Variants in APP observed in about 807,000 individuals in gnomAD.
The protein encoded by APP is amyloid beta precursor protein.
In APP, 31 loss-of-function variants were observed where a neutral mutation model predicts 101.4. The observed-to-expected ratio is 0.31, with a 90% confidence interval of 0.23 to 0.41. The LOEUF is 0.41. Ranked by LOEUF, APP falls within the 10% of genes least tolerant of loss-of-function variation. The pLI, the probability that APP is intolerant of heterozygous loss-of-function variation, is 1.00. For synonymous variants in APP, 366 were observed against 364.4 expected (o/e 1.00, Z -0.05); for missense variants, 839 against 1,003.7 (o/e 0.84, Z 2.22).
intron 13 of APP, among the ~76,000 whole-genome samples, chr21:25,924,473 T>TC (rs2039795184): frequency 8.6e-6 from 1 of 115,734 alleles, no homozygotes; most frequent in African/African-American, 3.2e-5. Flanking sequence ...GGGCCATGGA[T>TC]GAAGCTGGAG....
rs63750868 is a variant in APP at position 25,891,789 on chromosome 21, A to C, written c.2144T>G (p.Val715Gly). The stretch of plus-strand genomic sequence containing the variant: ...CAGCATCACCAAGGTGATGACGATC[A>C]CTGTCGCTATGACAACACCGCCCAC... ...LMVGGVVIAT[V>G]IVITLVMLKK... Residue 715 changes from valine to glycine, a missense_variant, in exon 17 of 18, where the codon GTG (valine) becomes GGG (glycine). By Grantham distance (109) the Val-to-Gly change is moderately radical. Transcript: ENST00000346798. 1 of 1,614,146 alleles carries C rather than the reference A, an allele frequency of 6.2e-7. No individual in the cohort carries two copies. Among genetic ancestry groups the C allele is most frequent in the Non-Finnish European group, 8.5e-7 (1 of 1,179,972 alleles).
intron 15 of APP, among the ~76,000 whole-genome samples, chr21:25,901,510 G>A (rs956940117): frequency 6.6e-6 from 1 of 152,094 alleles, no homozygotes; most frequent in Non-Finnish European, 1.5e-5. Context: ...GTTCATGTTT[G>A]TTTAGCATGA....
At chr21:26,099,661 A>G (rs1166464592) in intron 2 of APP, among the ~76,000 whole-genome samples, 1 of 152,232 alleles carries the variant, frequency 6.6e-6, no homozygotes, top group Non-Finnish European at 1.5e-5. Flanking sequence ...CACATCTTAA[A>G]CTATTCTCAA....
At chr21:26,011,950 G>A (rs184101011) in intron 6 of APP, among the ~76,000 whole-genome samples, 1 of 151,894 alleles carries the variant, frequency 6.6e-6, no homozygotes, top group African/African-American at 2.4e-5. Flanking sequence ...TAAAACACCT[G>A]AACAGTCTTA....
intron 14 of APP, among the ~76,000 whole-genome samples, chr21:25,907,137 C>CTCTTCT (rs144592208): frequency 6.6e-6 from 1 of 152,034 alleles, no homozygotes; most frequent in African/African-American, 2.4e-5. Flanking sequence ...CCTCTCCCCG[C>CTCTTCT]TCTTCTTCTT....
intron 8 of APP, among the ~76,000 whole-genome samples, chr21:25,996,303 G>C (rs994335340): frequency 1.3e-5 from 2 of 152,196 alleles, no homozygotes; most frequent in Admixed American, 6.5e-5. Flanking sequence ...AGGAGAAAGA[G>C]GGGTTCCTAA....
chr21:26,061,432 T>C (rs2046260699), intron 3 of APP, among the ~76,000 whole-genome samples: 1 of 152,248 alleles, frequency 6.6e-6, no homozygotes, highest in African/African-American at 2.4e-5. Context: ...CAAATTTTTT[T>C]GTCTTGAATG....
At position 26,053,360 on chromosome 21, in the gene APP, G is replaced by A. The variant is rs767846386; in HGVS notation, c.356-12C>T. 17 of 1,541,530 alleles carry A rather than the reference G, an allele frequency of 1.1e-5. No individual in the cohort carries two copies. Among genetic ancestry groups the A allele is most frequent in the Non-Finnish European group, 1.4e-5 (16 of 1,114,070 alleles). On this transcript the variant is annotated splice_polypyrimidine_tract_variant and intron_variant, in intron 3 of 17. Coordinates refer to ENST00000346798, the MANE Select transcript of APP (RefSeq NM_000484.4). Reference sequence around the variant, plus strand: ...TACAAACTCACCAACTGAAAGAAAGGAAAACCACTTCCCGTCATTCCATCT... The same window carrying A: ...TACAAACTCACCAACTGAAAGAAAGAAAAACCACTTCCCGTCATTCCATCT...
intron 1 of APP, among the ~76,000 whole-genome samples, chr21:26,132,864 A>G (rs2062823346): frequency 1.3e-5 from 2 of 152,206 alleles, no homozygotes; most frequent in African/African-American, 2.4e-5. Flanking sequence ...CGGGTAAGTG[A>G]TCTTCCTAGT....
intron 6 of APP, among the ~76,000 whole-genome samples, chr21:26,012,669 T>C (rs1270466991): frequency 2.0e-5 from 3 of 151,970 alleles, no homozygotes; most frequent in Non-Finnish European, 4.4e-5. Context: ...ATCAGACCTA[T>C]GGCTTGGCTA....
At chr21:25,950,806 C>A (rs141794827) in intron 13 of APP, among the ~76,000 whole-genome samples, 1 of 152,078 alleles carries the variant, frequency 6.6e-6, no homozygotes, top group African/African-American at 2.4e-5. Context: ...AGGGGATGTG[C>A]AGAGATTTCA....
rs567551375 is a variant in APP at position 26,170,755 on chromosome 21, T to G, written c.-135A>C. Reference sequence around the variant, plus strand: ...TCCTCCGCGTGCTCTCGCCTACCGCTGCCGAGGAAACTGACGGAGCCCGAG... The same window carrying G: ...TCCTCCGCGTGCTCTCGCCTACCGCGGCCGAGGAAACTGACGGAGCCCGAG... On this transcript the variant is annotated 5_prime_UTR_variant, in exon 1 of 18. Coordinates refer to ENST00000346798, the MANE Select transcript of APP (RefSeq NM_000484.4). 9.3e-6 allele frequency: 9 copies of G among 968,066 alleles called. No individual in the cohort carries two copies. In the Admixed American group the frequency reaches 2.8e-4, roughly 30 times the overall value. 60.0% of individuals were successfully genotyped at this position (968,066 alleles called of 1,614,324 possible). A position where few individuals can be genotyped will look rare whatever the true frequency, so the allele number is the denominator to read the frequency against.
intron 1 of APP, among the ~76,000 whole-genome samples, chr21:26,132,208 G>A (rs1366335871): frequency 1.3e-5 from 2 of 152,104 alleles, no homozygotes; most frequent in Non-Finnish European, 2.9e-5. Context: ...GCCTCACATA[G>A]GGAGACCCTA....
At chr21:26,110,656 A>T (rs115543846) in intron 2 of APP, among the ~76,000 whole-genome samples, 1,692 of 152,186 alleles carry the variant, frequency 0.011, 30 homozygotes, top group African/African-American at 0.038. Context: ...CGCTATCAAA[A>T]CAAATTAAAC....
chr21:26,048,469 T>C (rs1252867973), intron 5 of APP, among the ~76,000 whole-genome samples: 1 of 152,218 alleles, frequency 6.6e-6, no homozygotes, highest in Admixed American at 6.5e-5. Context: ...TATGAATTTG[T>C]GTTGGTCCGC....
chr21:26,031,693 C>G (rs1336980902), intron 5 of APP, among the ~76,000 whole-genome samples: 2 of 42,186 alleles, frequency 4.7e-5, no homozygotes, highest in Non-Finnish European at 8.6e-5. Flanking sequence ...CCCCATGAAT[C>G]AATTACCTCC....
At chr21:25,958,874 A>G (rs2041450656) in intron 11 of APP, among the ~76,000 whole-genome samples, 1 of 152,158 alleles carries the variant, frequency 6.6e-6, no homozygotes, top group Admixed American at 6.5e-5. Flanking sequence ...CTGGTAACTC[A>G]TCAAATCTTC....
chr21:26,119,138 A>C (rs1341693079), intron 1 of APP, among the ~76,000 whole-genome samples: 1 of 152,172 alleles, frequency 6.6e-6, no homozygotes, highest in African/African-American at 2.4e-5. Context: ...TCTACTCAAG[A>C]GTGTTATTCC....
At chr21:25,957,970 T>C (rs1279076691) in intron 11 of APP, among the ~76,000 whole-genome samples, 1 of 152,130 alleles carries the variant, frequency 6.6e-6, no homozygotes, top group Admixed American at 6.5e-5. Context: ...GGAAAGAGAA[T>C]AACTGCCTGT....
Sources: gnomAD v4.1 joint callset for allele counts (sites outside exome capture counted in the v4.1 genomes callset) on GRCh38, gnomAD v4.1.1 for gene constraint, MANE v1.5 for transcripts, NCBI Gene and HGNC (gene_info 2026-07-23, HGNC 2026-07-21) for gene names.